PNISR: variants seen among roughly 807,000 people sequenced by gnomAD.
PNISR encodes arginine/serine-rich protein PNISR.
Under a neutral mutation model 93.4 loss-of-function variants are expected in PNISR, and 20 were observed. The observed-to-expected ratio is 0.21, with a 90% CI of 0.15 to 0.31. The LOEUF (loss-of-function observed/expected upper bound fraction) is 0.31, where lower values mean the gene tolerates loss of function less well. Among genes scored for constraint, PNISR ranks in the 10% least tolerant of loss-of-function variants. The pLI is 1.00. For missense variants in PNISR, 893 were observed against 985.4 expected, an observed-to-expected ratio of 0.91 and a Z score of 1.25; for synonymous variants, 305 against 306.5, an observed-to-expected ratio of 0.99 and a Z score of 0.05.
intron 4 of PNISR, chr6:99,412,120 G>A: frequency 3.3e-6 from 1 of 300,536 alleles, no homozygotes; most frequent in South Asian, 3.0e-5. Flanking sequence ...AAAAAGGTAG[G>A]CGGATGGTAG....
intron 7 of PNISR, among the ~76,000 whole-genome samples, chr6:99,406,957 G>A (rs1776231658): frequency 6.6e-6 from 1 of 151,976 alleles, no homozygotes; most frequent in Non-Finnish European, 1.5e-5. Flanking sequence ...AAAAGAGGAA[G>A]GAAAATTTCC....
chr6:99,418,300 G>T (rs1406096898), intron 1 of PNISR, among the ~76,000 whole-genome samples: 1 of 151,776 alleles, frequency 6.6e-6, no homozygotes, highest in Non-Finnish European at 1.5e-5. Flanking sequence ...ACCAAGCCTG[G>T]CTAATTTTTG....
At chr6:99,420,146 T>C (rs1778354357) in intron 1 of PNISR, among the ~76,000 whole-genome samples, 2 of 152,218 alleles carry the variant, frequency 1.3e-5, no homozygotes, top group African/African-American at 4.8e-5. Context: ...GTCCCCAAAG[T>C]GCTGGGATTA....
chr6:99,410,851 T>C lies in PNISR; in HGVS notation c.391A>G (p.Ser131Gly), dbSNP rs2128486098. The change falls in exon 5 of 12, where the codon AGT (serine) becomes GGT (glycine). Residue 131 changes from serine to glycine, a missense_variant. Coordinates refer to ENST00000369239, the MANE Select transcript of PNISR (RefSeq NM_032870.4). ...PPSEDSNSQD[S>G]GEFAPDNRHI... ...CTGTTGTCAGGGGCAAATTCCCCAC[T>C]GTCCTGACTGTTGCTGTCTTCAGAA... 6.2e-7 allele frequency: 1 copy of C among 1,614,114 alleles called. No individual in the cohort carries two copies. The highest frequency in any genetic ancestry group is 2.2e-5 in the East Asian group (1 of 44,888).
chr6:99,420,172 G>A (rs1357134458), intron 1 of PNISR, among the ~76,000 whole-genome samples: 2 of 152,164 alleles, frequency 1.3e-5, no homozygotes, highest in Admixed American at 6.5e-5. Context: ...GTGAGCTATC[G>A]CTCCCGGCCC....
At chr6:99,401,658 A>C (rs765541658) in intron 11 of PNISR, 28 bp from the exon 12 acceptor site, 3 of 1,483,238 alleles carry the variant, frequency 2.0e-6, no homozygotes, top group South Asian at 1.4e-5. Flanking sequence ...AAAAACACTA[A>C]GAAAATGTTC....
chr6:99,408,564 G>A (rs931366771), intron 6 of PNISR, among the ~76,000 whole-genome samples: 17 of 152,096 alleles, frequency 1.1e-4, no homozygotes, highest in Admixed American at 9.2e-4. Context: ...TGATTTGCTA[G>A]TAAGTTAAAA....
At chr6:99,421,436 T>G (rs764177593) in intron 1 of PNISR, among the ~76,000 whole-genome samples, 4 of 152,174 alleles carry the variant, frequency 2.6e-5, no homozygotes, top group Non-Finnish European at 2.9e-5. Flanking sequence ...AATAGGGTCT[T>G]TGCAGATGTA....
In PNISR at chr6:99,398,122, A is replaced by G. The variant is rs906615455; in HGVS notation, c.*2418T>C. 1.3e-5 allele frequency: 2 copies of G among 152,118 alleles called. No homozygotes were observed. Among genetic ancestry groups the G allele is most frequent in the African/African-American group, 4.8e-5 (2 of 41,448 alleles). 9.4% of individuals were successfully genotyped at this position (152,118 alleles called of 1,614,324 possible). The stretch of plus-strand genomic sequence containing the variant: ...CTTATAATCACCTCTTTCAAATTAC[A>G]TTTTATTCCCTTAATGGTGTGGTTT... On this transcript the variant is annotated 3_prime_UTR_variant, in exon 12 of 12. Transcript: ENST00000369239.
At chr6:99,414,724 G>C (rs1313471652) in intron 2 of PNISR, 34 bp from the exon 3 acceptor site, 1 of 939,222 alleles carries the variant, frequency 1.1e-6, no homozygotes, top group Non-Finnish European at 1.6e-6. Context: ...AAAAATTATA[G>C]TGAGTTATTT....
At position 99,403,945 on chromosome 6, in the gene PNISR, T is replaced by A. The variant is rs1045437027; in HGVS notation, c.1103-63A>T. Reference sequence around the variant, plus strand: ...ACAAATAGCCACGATTTCATAGTCATGAGTCTATGGTATTGTTAAATCTAC... The same window carrying A: ...ACAAATAGCCACGATTTCATAGTCAAGAGTCTATGGTATTGTTAAATCTAC... On this transcript the variant is annotated intron_variant, in intron 9 of 11. Transcript: ENST00000369239. 4 of 1,169,576 alleles carry A rather than the reference T, an allele frequency of 3.4e-6. No homozygotes were observed. The African/African-American group carries it at 6.0e-5, about 18-fold the overall frequency. 72.4% of individuals were successfully genotyped at this position (1,169,576 alleles called of 1,614,324 possible).
At chr6:99,409,705 A>C (rs1424542130) in intron 5 of PNISR, 1 of 166,218 alleles carries the variant, frequency 6.0e-6, no homozygotes, top group Non-Finnish European at 1.3e-5. Flanking sequence ...CATCCTACTT[A>C]CAGTGAACAA....
intron 10 of PNISR, chr6:99,403,619 T>C: frequency 2.6e-6 from 1 of 382,064 alleles, no homozygotes; most frequent in Non-Finnish European, 4.7e-6. Context: ...CAATAAACTA[T>C]GAATTAACCA....
chr6:99,423,635 G>A (rs1414132116), intron 1 of PNISR, among the ~76,000 whole-genome samples: 1 of 152,178 alleles, frequency 6.6e-6, no homozygotes, highest in African/African-American at 2.4e-5. Flanking sequence ...GATATAGTCC[G>A]TAAGGCCATT....
intron 4 of PNISR, chr6:99,411,842 C>T (rs1262262541): frequency 1.3e-5 from 2 of 148,852 alleles, no homozygotes; most frequent in Non-Finnish European, 2.9e-5. Flanking sequence ...GTTGCCCAGG[C>T]TGGTCTCGAC....
intron 8 of PNISR, 121 bp from the exon 9 acceptor site, chr6:99,404,823 G>C: frequency 1.7e-6 from 1 of 582,560 alleles, no homozygotes; most frequent in Non-Finnish European, 3.1e-6. Context: ...CTGTTGCCCA[G>C]GCTGGATCAT....
At chr6:99,408,453 A>C (rs1776431102) in intron 6 of PNISR, among the ~76,000 whole-genome samples, 182 bp from the exon 7 acceptor site, 1 of 152,200 alleles carries the variant, frequency 6.6e-6, no homozygotes, top group African/African-American at 2.4e-5. Flanking sequence ...AAAGCATGTT[A>C]AACCATCATC....
rs779217645 is a variant in PNISR, at chr6:99,408,138, CTTT to C, written c.804_806del (p.Lys269del). 3.1e-6 allele frequency: 5 copies of C among 1,612,104 alleles called. No individual in the cohort carries two copies. Among genetic ancestry groups the C allele is most frequent in the African/African-American group, 1.3e-5 (1 of 74,696 alleles). ...CCCCTCCTTCAGCATCTTCTGTGGCCTTTTTTTCTTTTTTGGACAATTGTGAAC... is the reference window on the plus strand; with the variant it reads ...CCCCTCCTTCAGCATCTTCTGTGGCCTTTTCTTTTTTGGACAATTGTGAAC... On this transcript the variant is annotated inframe_deletion, in exon 7 of 12. Transcript: ENST00000369239.
chr6:99,423,207 C>T (rs1490631631), intron 1 of PNISR, among the ~76,000 whole-genome samples: 1 of 150,732 alleles, frequency 6.6e-6, no homozygotes, highest in Admixed American at 6.6e-5. Flanking sequence ...GAAGAGCTGC[C>T]AATGGCCAAA....
Sources: allele counts gnomAD v4.1 joint callset (sites outside exome capture counted in the v4.1 genomes callset), GRCh38; gene constraint gnomAD v4.1.1; transcripts MANE v1.5; gene names NCBI Gene and HGNC (gene_info 2026-07-23, HGNC 2026-07-21).